TMEM272: variants seen among roughly 807,000 people sequenced by gnomAD.
The protein encoded by TMEM272 is transmembrane protein 272, also known as long intergenic non-protein coding RNA 282.
TMEM272 carries 8 observed loss-of-function variants against 3.7 expected under a neutral mutation model. The ratio of observed to expected loss-of-function variants is 2.17; its 90% CI spans 1.27 to 3.91. The LOEUF (loss-of-function observed/expected upper bound fraction) is 3.91. Among genes scored for constraint, TMEM272 ranks in the 30% most tolerant of loss-of-function variants. The pLI, the probability that TMEM272 is intolerant of heterozygous loss-of-function variation, is 0.00. For missense variants in TMEM272, 166 were observed against 91.5 expected (o/e 1.81, Z -3.32); for synonymous variants, 63 against 39.8 (o/e 1.58, Z -2.20).
the TMEM272 span, among the ~76,000 whole-genome samples, chr13:51,884,973 A>G: frequency 1.3e-5 from 2 of 152,232 alleles, no homozygotes; most frequent in Non-Finnish European, 2.9e-5. Flanking sequence ...TACCACCTAC[A>G]CAACGGTCTC....
chr13:51,866,115 TC>T, the TMEM272 span: 1 of 1,502,468 alleles, frequency 6.7e-7, no homozygotes, highest in East Asian at 2.3e-5. Context: ...TGGTCCAGAC[TC>T]CCCTGGGTTG....
chr13:51,894,798 T>C, the TMEM272 span, among the ~76,000 whole-genome samples: 1 of 152,118 alleles, frequency 6.6e-6, no homozygotes, highest in Non-Finnish European at 1.5e-5. Flanking sequence ...TAGTGTGCAC[T>C]TGATTTCTAT....
In TMEM272 at chr13:51,817,400, A is replaced by G. The variant is rs990451274; in HGVS notation, c.202-287T>C. ...ATGTGTGAGTTGGTTTGGACAAGGG[A>G]TTGGCTGGGGTAACCCATCTCTGCA... On this transcript the variant is annotated intron_variant, in intron 4 of 4. Coordinates refer to ENST00000629372, the MANE Select transcript of TMEM272 (RefSeq NM_001351003.2). 2.0e-5 allele frequency among the ~76,000 whole-genome samples: 3 copies of G among 152,140 alleles called. No homozygotes were observed. In the East Asian group the frequency reaches 5.8e-4, roughly 29 times the overall value.
the TMEM272 span, chr13:51,865,532 C>T: frequency 1.6e-5 from 26 of 1,614,042 alleles, no homozygotes; most frequent in Admixed American, 2.5e-4. Context: ...AAAGGCTTTT[C>T]GCGAAGAGAT....
chr13:51,910,417 G>A, the TMEM272 span: 37 of 989,378 alleles, frequency 3.7e-5, no homozygotes, highest in Middle Eastern at 4.2e-4. Flanking sequence ...ACATAAAGCC[G>A]ACTCCTAACC....
chr13:51,862,097 G>C, the TMEM272 span: 1 of 152,228 alleles, frequency 6.6e-6, no homozygotes, highest in Admixed American at 6.5e-5. Flanking sequence ...AGGACTGAAA[G>C]GGCACAGACA....
chr13:51,850,637 C>T, the TMEM272 span, among the ~76,000 whole-genome samples: 5 of 152,034 alleles, frequency 3.3e-5, no homozygotes, highest in East Asian at 3.9e-4. Flanking sequence ...TTGTTGCTAC[C>T]GGTCCATTTC....
the TMEM272 span, among the ~76,000 whole-genome samples, chr13:51,888,639 C>CTTTTTTTTTTTTTTTTTTTTT: frequency 6.9e-4 from 53 of 76,796 alleles, no homozygotes; most frequent in Non-Finnish European, 1.2e-3. Flanking sequence ...TTTTCTTTTT[C>CTTTTTTTTTTTTTTTTTTTTT]TTTTTTTTTT....
At chr13:51,824,706 G>A (rs774366344) in intron 3 of TMEM272, among the ~76,000 whole-genome samples, 55 of 152,138 alleles carry the variant, frequency 3.6e-4, no homozygotes, top group Non-Finnish European at 6.3e-4. Context: ...TCATCCCAGC[G>A]CTTTGGGAGG....
chr13:51,828,775 C>A (rs74087810), intron 2 of TMEM272, among the ~76,000 whole-genome samples: 10,169 of 152,256 alleles, frequency 0.067, 484 homozygotes, highest in African/African-American at 0.11. Context: ...CTGCCCTTTA[C>A]CGCCAATATT....
the TMEM272 span, among the ~76,000 whole-genome samples, chr13:51,893,613 G>A: frequency 6.6e-6 from 1 of 151,904 alleles, no homozygotes; most frequent in Non-Finnish European, 1.5e-5. Context: ...CACCGTATGC[G>A]CTTCTGCTTG....
the TMEM272 span, chr13:51,933,652 G>T: frequency 6.6e-6 from 1 of 152,210 alleles, no homozygotes; most frequent in East Asian, 1.9e-4. Flanking sequence ...CAGAATGCAG[G>T]CTCAGGGAGG....
the TMEM272 span, among the ~76,000 whole-genome samples, chr13:51,862,476 T>C: frequency 6.6e-6 from 1 of 152,234 alleles, no homozygotes; most frequent in African/African-American, 2.4e-5. Context: ...AAGTTTAGTG[T>C]TCACTTGAGA....
the TMEM272 span, among the ~76,000 whole-genome samples, chr13:51,913,497 G>A: frequency 6.6e-6 from 1 of 152,222 alleles, no homozygotes; most frequent in Non-Finnish European, 1.5e-5. Flanking sequence ...GCTCTTCCCT[G>A]ATGAGCAGGC....
chr13:51,923,403 C>T, the TMEM272 span, among the ~76,000 whole-genome samples: 10 of 152,214 alleles, frequency 6.6e-5, no homozygotes, highest in East Asian at 1.4e-3. Flanking sequence ...CCTGGGGAGG[C>T]GATGGAATGG....
At chr13:51,855,661 G>A in the TMEM272 span, among the ~76,000 whole-genome samples, 45 of 152,210 alleles carry the variant, frequency 3.0e-4, no homozygotes, top group African/African-American at 1.0e-3. Context: ...AGAAACAGTA[G>A]ATTAGACACC....
chr13:51,903,942 C>CACGTGTGTGTGTGTGTGTGT, the TMEM272 span, among the ~76,000 whole-genome samples: 2 of 136,552 alleles, frequency 1.5e-5, no homozygotes, highest in African/African-American at 5.4e-5. Context: ...CAGTCTTCCA[C>CACGTGTGTGTGTGTGTGTGT]GTGTGTGTGT....
chr13:51,866,735 C>A, the TMEM272 span, among the ~76,000 whole-genome samples: 3 of 152,128 alleles, frequency 2.0e-5, no homozygotes, highest in Non-Finnish European at 2.9e-5. Flanking sequence ...CTCAAGAGTG[C>A]GGCCCCCAAG....
At chr13:51,855,186 T>A in the TMEM272 span, among the ~76,000 whole-genome samples, 1 of 152,230 alleles carries the variant, frequency 6.6e-6, no homozygotes, top group Non-Finnish European at 1.5e-5. Flanking sequence ...CAAGGATCTA[T>A]CAGCAAGGAG....
Sources: gnomAD v4.1 joint callset for allele counts (sites outside exome capture counted in the v4.1 genomes callset) on GRCh38, gnomAD v4.1.1 for gene constraint, MANE v1.5 for transcripts, NCBI Gene and HGNC (gene_info 2026-07-23, HGNC 2026-07-21) for gene names.